VIPAS39: variants seen among roughly 807,000 people sequenced by gnomAD.
VIPAS39 encodes spermatogenesis-defective protein 39 homolog.
VIPAS39 carries 63 observed loss-of-function variants against 84.7 expected under a neutral mutation model. The observed-to-expected ratio is 0.74, with a 90% CI of 0.61 to 0.92. The LOEUF (loss-of-function observed/expected upper bound fraction) is 0.92, where lower values mean the gene tolerates loss of function less well. Among genes scored for constraint, VIPAS39 ranks in the 40% least tolerant of loss-of-function variants. The pLI, the probability that VIPAS39 is intolerant of heterozygous loss-of-function variation, is 0.00. For synonymous variants in VIPAS39, 192 were observed against 216.5 expected (o/e 0.89, Z 0.99); for missense variants, 499 against 604.5 (o/e 0.83, Z 1.83).
intron 16 of VIPAS39, among the ~76,000 whole-genome samples, chr14:77,430,493 G>T (rs970975574): frequency 6.6e-6 from 1 of 152,144 alleles, no homozygotes; most frequent in Non-Finnish European, 1.5e-5. Flanking sequence ...GAGGTGGGCG[G>T]ATCACTTGAG....
rs115035702 is a variant in VIPAS39, at chr14:77,436,799, G to C, written c.837-880C>G. 9.2e-3 allele frequency among the ~76,000 whole-genome samples: 1,394 copies of C among 152,198 alleles called. 25 individuals carry two copies. The highest frequency in any genetic ancestry group is 0.032 in the African/African-American group (1,309 of 41,522). On this transcript the variant is annotated intron_variant, in intron 12 of 19. Coordinates refer to ENST00000557658, the MANE Select transcript of VIPAS39 (RefSeq NM_001193315.2). ...ACAGCGTCTTGCCAAAAAGTCATGTGGTCAATGGGGAAGGCCAAGAATAGA... is the reference window on the plus strand; with the variant it reads ...ACAGCGTCTTGCCAAAAAGTCATGTCGTCAATGGGGAAGGCCAAGAATAGA...
At chr14:77,432,446 C>T (rs1287899317) in intron 16 of VIPAS39, among the ~76,000 whole-genome samples, 1 of 152,114 alleles carries the variant, frequency 6.6e-6, no homozygotes, top group Non-Finnish European at 1.5e-5. Context: ...ATGCAATCAG[C>T]ATCTCACAGA....
chr14:77,447,713 T>G (rs1469340889), intron 7 of VIPAS39, among the ~76,000 whole-genome samples: 1 of 152,206 alleles, frequency 6.6e-6, no homozygotes, highest in Non-Finnish European at 1.5e-5. Context: ...CAGGCTGGAG[T>G]GCAGTGGCAC....
chr14:77,430,641 C>G (rs1420722651), intron 16 of VIPAS39, among the ~76,000 whole-genome samples: 1 of 151,170 alleles, frequency 6.6e-6, no homozygotes, highest in Non-Finnish European at 1.5e-5. Context: ...CAGTGGAACC[C>G]TGGAGGCAGA....
chr14:77,431,728 CTTTT>C (rs931893777), intron 16 of VIPAS39, among the ~76,000 whole-genome samples: 12 of 152,138 alleles, frequency 7.9e-5, no homozygotes, highest in Non-Finnish European at 1.6e-4. Context: ...ATCAATCTTT[CTTTT>C]GGGTATATGC....
At chr14:77,427,820 A>C (rs2078454010) in intron 19 of VIPAS39, among the ~76,000 whole-genome samples, 184 bp from the exon 20 acceptor site, 1 of 152,220 alleles carries the variant, frequency 6.6e-6, no homozygotes, top group Non-Finnish European at 1.5e-5. Context: ...TCATTTATTC[A>C]AAGATGCATT....
chr14:77,441,202 C>T, intron 10 of VIPAS39, 109 bp from the exon 11 acceptor site: 1 of 1,189,720 alleles, frequency 8.4e-7, no homozygotes, highest in Non-Finnish European at 1.2e-6. Context: ...AAACTCATTT[C>T]CCTCTATACA....
At chr14:77,447,681 G>A (rs1011909990) in intron 7 of VIPAS39, among the ~76,000 whole-genome samples, 1 of 151,958 alleles carries the variant, frequency 6.6e-6, no homozygotes, top group Non-Finnish European at 1.5e-5. Context: ...GGGCAGGGGG[G>A]CGGAGTTTCA....
intron 7 of VIPAS39, 124 bp downstream of exon 7, chr14:77,448,370 T>C (rs1306453011): frequency 9.7e-7 from 1 of 1,033,100 alleles, no homozygotes; most frequent in African/African-American, 1.6e-5. Flanking sequence ...TCAACCTTAG[T>C]GGATTTATTT....
At chr14:77,452,037 T>C (rs1371145181) in intron 3 of VIPAS39, among the ~76,000 whole-genome samples, 1 of 152,038 alleles carries the variant, frequency 6.6e-6, no homozygotes, top group Non-Finnish European at 1.5e-5. Context: ...ATGATAGAAA[T>C]ATAAAGAGCA....
At chr14:77,443,238 T>A in intron 8 of VIPAS39, 86 bp from the exon 9 acceptor site, 1 of 1,507,636 alleles carries the variant, frequency 6.6e-7, no homozygotes, top group African/African-American at 1.4e-5. Flanking sequence ...CAGCAACTCA[T>A]TAGCAATCTC....
Position 77,428,907 on chromosome 14 carries a change from G to A in VIPAS39, c.1356+99C>T, listed in dbSNP as rs113052253. The A allele has an allele frequency of 2.3e-3, 2,518 of 1,100,946 alleles. 31 individuals are homozygous for A. In the African/African-American group the frequency reaches 0.035, roughly 15 times the overall value. 68.2% of individuals were successfully genotyped at this position (1,100,946 alleles called of 1,614,324 possible). On this transcript the variant is annotated intron_variant, in intron 18 of 19. Transcript: ENST00000557658. ...TATTCTGTCCATTCAGTCAAACCTGGTGGGAGCACCTCAGGATCTTGGACA... is the reference window on the plus strand; with the variant it reads ...TATTCTGTCCATTCAGTCAAACCTGATGGGAGCACCTCAGGATCTTGGACA...
At position 77,434,268 on chromosome 14, in the gene VIPAS39, T is replaced by C; in HGVS notation, c.1083A>G (p.Thr361=). ...TFSSPVNLKK[T]FKIPDKQYVL... ...CTGACCAATTTGTATCTACCTTAAATGTCTTCTTCAGGTTGACGGGACTGC... is the reference window on the plus strand; with the variant it reads ...CTGACCAATTTGTATCTACCTTAAACGTCTTCTTCAGGTTGACGGGACTGC... The change falls in exon 15 of 20, where the codon ACA becomes ACG. Residue 361 remains threonine (T), a synonymous_variant. Coordinates refer to ENST00000557658, the MANE Select transcript of VIPAS39 (RefSeq NM_001193315.2). 1 of 1,614,152 alleles carries C rather than the reference T, an allele frequency of 6.2e-7. No individual in the cohort carries two copies. Among genetic ancestry groups the C allele is most frequent in the Non-Finnish European group, 8.5e-7 (1 of 1,180,002 alleles).
intron 3 of VIPAS39, 53 bp from the exon 4 acceptor site, chr14:77,451,386 A>T (rs953714737): frequency 1.2e-6 from 2 of 1,613,412 alleles, no homozygotes; most frequent in Admixed American, 3.3e-5. Context: ...TAAAGCCTTG[A>T]CATCCAACAT....
Position 77,427,383 on chromosome 14 carries a change from C to T in VIPAS39, c.*233G>A. On this transcript the variant is annotated 3_prime_UTR_variant, in exon 20 of 20. Transcript: ENST00000557658. Reference sequence around the variant, plus strand: ...GAAATCACTCCCACCTTCATATGAGCACCAGGTGGAGAGAATCATTCTCAT... The same window carrying T: ...GAAATCACTCCCACCTTCATATGAGTACCAGGTGGAGAGAATCATTCTCAT... 3 of 578,606 alleles carry T rather than the reference C, an allele frequency of 5.2e-6. No homozygotes were observed. The highest frequency in any genetic ancestry group is 9.2e-6 in the Non-Finnish European group (3 of 325,378). The allele number at this position is 578,606 out of a possible 1,614,324, so 35.8% of individuals were successfully genotyped here.
intron 11 of VIPAS39, among the ~76,000 whole-genome samples, chr14:77,438,800 T>C (rs866236336): frequency 1.5e-4 from 23 of 152,184 alleles, no homozygotes; most frequent in Admixed American, 5.2e-4. Context: ...ATCAGTAATA[T>C]AAATAGGGCA....
chr14:77,456,458 C>T (rs1488080378), intron 1 of VIPAS39, among the ~76,000 whole-genome samples: 4 of 152,156 alleles, frequency 2.6e-5, no homozygotes, highest in Non-Finnish European at 4.4e-5. Flanking sequence ...CTCTGTCATT[C>T]GTTTGATCCT....
intron 16 of VIPAS39, among the ~76,000 whole-genome samples, chr14:77,430,054 C>T (rs1177289605): frequency 1.3e-5 from 2 of 152,164 alleles, no homozygotes; most frequent in Non-Finnish European, 2.9e-5. Context: ...GTAGTATGAA[C>T]TTATCAATGT....
chr14:77,456,351 G>A (rs564255499), intron 1 of VIPAS39, among the ~76,000 whole-genome samples: 4 of 152,204 alleles, frequency 2.6e-5, no homozygotes, highest in African/African-American at 9.6e-5. Flanking sequence ...CAATCCTAAA[G>A]ATTAAAAAAA....
Sources: gnomAD v4.1 joint callset for allele counts (sites outside exome capture counted in the v4.1 genomes callset) on GRCh38, gnomAD v4.1.1 for gene constraint, MANE v1.5 for transcripts, NCBI Gene and HGNC (gene_info 2026-07-23, HGNC 2026-07-21) for gene names.